PCDH15: variants seen among roughly 807,000 people sequenced by gnomAD.
PCDH15 encodes protocadherin related 15, also known as protocadherin-15.
Under a neutral mutation model 178.5 loss-of-function variants are expected in PCDH15, and 129 were observed. The observed-to-expected ratio is 0.72, with a 90% CI of 0.63 to 0.84. The LOEUF (loss-of-function observed/expected upper bound fraction) is 0.84, where lower values mean the gene tolerates loss of function less well. Ranked by LOEUF, PCDH15 falls within the 40% of genes least tolerant of loss-of-function variation. The pLI, the probability that PCDH15 is intolerant of heterozygous loss-of-function variation, is 0.00. For synonymous variants in PCDH15, 800 were observed against 732.0 expected (o/e 1.09, Z -1.50); for missense variants, 2,230 against 2,099.9 (o/e 1.06, Z -1.21).
intron 4 of PCDH15, among the ~76,000 whole-genome samples, chr10:54,376,992 G>T (rs1045777813): frequency 5.3e-5 from 8 of 151,832 alleles, no homozygotes; most frequent in Non-Finnish European, 1.0e-4. Flanking sequence ...ATTTATTCAT[G>T]CAATAACCAA....
chr10:54,693,223 G>C (rs201748611), intron 1 of PCDH15, among the ~76,000 whole-genome samples: 1 of 151,490 alleles, frequency 6.6e-6, no homozygotes, highest in African/African-American at 2.4e-5. Context: ...TTTTTACACC[G>C]AGAAGAATTA....
chr10:55,062,886 T>A (rs769091479), intron 2 of PCDH15, among the ~76,000 whole-genome samples: 1 of 152,154 alleles, frequency 6.6e-6, no homozygotes, highest in Non-Finnish European at 1.5e-5. Context: ...TTGATGTGAA[T>A]CTAAAACTGC....
chr10:54,395,438 A>ACACT (rs1196230524), intron 3 of PCDH15, among the ~76,000 whole-genome samples: 1 of 151,860 alleles, frequency 6.6e-6, no homozygotes, highest in Admixed American at 6.6e-5. Flanking sequence ...TTACACACAC[A>ACACT]CACACACACA....
intron 20 of PCDH15, among the ~76,000 whole-genome samples, chr10:54,004,415 ACACACACACAC>A (rs1463553712): frequency 5.4e-5 from 4 of 74,232 alleles, no homozygotes; most frequent in African/African-American, 2.1e-4. Flanking sequence ...ACACACACAC[ACACACACACAC>A]CACACAAAGT....
intron 20 of PCDH15, among the ~76,000 whole-genome samples, chr10:54,008,242 G>A (rs1346436141): frequency 6.6e-6 from 1 of 152,158 alleles, no homozygotes; most frequent in Non-Finnish European, 1.5e-5. Flanking sequence ...CAATGACTTT[G>A]CATGAGTCAG....
At chr10:54,647,198 A>G (rs1035884941) in intron 2 of PCDH15, among the ~76,000 whole-genome samples, 1 of 152,118 alleles carries the variant, frequency 6.6e-6, no homozygotes. Flanking sequence ...GACAACATGG[A>G]TAAACTTTGA....
At chr10:54,086,451 C>A (rs575862791) in intron 16 of PCDH15, among the ~76,000 whole-genome samples, 1 of 152,224 alleles carries the variant, frequency 6.6e-6, no homozygotes, top group African/African-American at 2.4e-5. Context: ...GTCAAATATC[C>A]AAACTATAGC....
intron 2 of PCDH15, among the ~76,000 whole-genome samples, chr10:55,055,153 C>T (rs1485505149): frequency 6.6e-6 from 1 of 152,104 alleles, no homozygotes; most frequent in Non-Finnish European, 1.5e-5. Context: ...TTGGGTTTTA[C>T]GTTTCAGTCT....
intron 30 of PCDH15, 80 bp from the exon 31 acceptor site, chr10:53,828,653 A>G (rs1314611998): frequency 1.7e-6 from 2 of 1,146,658 alleles, no homozygotes; most frequent in South Asian, 1.3e-5. Flanking sequence ...CATCTGATTT[A>G]TTCTAAATCA....
chr10:55,018,142 C>T (rs1337531759), intron 2 of PCDH15, among the ~76,000 whole-genome samples: 1 of 151,946 alleles, frequency 6.6e-6, no homozygotes, highest in Non-Finnish European at 1.5e-5. Flanking sequence ...ACCCATTAAC[C>T]TATTGATGTT....
At chr10:54,303,731 T>A (rs994832163) in intron 8 of PCDH15, among the ~76,000 whole-genome samples, 4 of 152,284 alleles carry the variant, frequency 2.6e-5, no homozygotes, top group African/African-American at 9.6e-5. Context: ...GTACTTTATT[T>A]CTGACACTTC....
intron 3 of PCDH15, among the ~76,000 whole-genome samples, chr10:54,394,804 C>T (rs1363404568): frequency 2.6e-5 from 4 of 152,066 alleles, no homozygotes; most frequent in Admixed American, 6.6e-5. Context: ...CACCTGGGGG[C>T]GCTGTTTATA....
intron 2 of PCDH15, among the ~76,000 whole-genome samples, chr10:54,618,410 A>T (rs970915157): frequency 6.6e-6 from 1 of 152,218 alleles, no homozygotes; most frequent in South Asian, 2.1e-4. Flanking sequence ...AACCGGGGAA[A>T]TATTTCAGGT....
chr10:55,344,958 C>T (rs114387114), intron 2 of PCDH15, among the ~76,000 whole-genome samples: 3 of 151,906 alleles, frequency 2.0e-5, no homozygotes, highest in East Asian at 1.9e-4. Flanking sequence ...AGTATTTTAT[C>T]GACCCTCTTT....
intron 4 of PCDH15, among the ~76,000 whole-genome samples, chr10:54,370,455 A>G (rs1281616038): frequency 2.6e-5 from 4 of 151,834 alleles, no homozygotes; most frequent in East Asian, 1.9e-4. Context: ...GCTCAATACA[A>G]CCTGTGTGTT....
chr10:54,312,838 C>T (rs2060993913), intron 8 of PCDH15, among the ~76,000 whole-genome samples: 1 of 152,038 alleles, frequency 6.6e-6, no homozygotes, highest in African/African-American at 2.4e-5. Flanking sequence ...GTAGTTTGAG[C>T]CCACTAAGTT....
intron 2 of PCDH15, among the ~76,000 whole-genome samples, chr10:55,537,817 C>G (rs1005031610): frequency 6.6e-6 from 1 of 152,116 alleles, no homozygotes; most frequent in Non-Finnish European, 1.5e-5. Context: ...TTAAAACAAC[C>G]TTTCAGAGAT....
intron 2 of PCDH15, among the ~76,000 whole-genome samples, chr10:55,446,737 T>C (rs1008108386): frequency 3.3e-5 from 5 of 152,114 alleles, no homozygotes; most frequent in African/African-American, 1.2e-4. Flanking sequence ...AGTTGCCCTA[T>C]TGTACATCTG....
At position 53,807,879 on chromosome 10, in the gene PCDH15, C is replaced by CCAAT. The variant is rs1841304468; in HGVS notation, c.4672-753_4672-750dup. 2.6e-5 allele frequency among the ~76,000 whole-genome samples: 4 copies of CCAAT among 152,170 alleles called. No homozygotes were observed. In the Middle Eastern group the frequency reaches 0.01, roughly 391 times the overall value. ...TTTTCACAAATTCATTTGACTTTTA[C>CCAAT]CAATCAACATTAAAAATAGCAAGAA... On this transcript the variant is annotated intron_variant, in intron 37 of 37. Coordinates refer to ENST00000644397, the MANE Select transcript of PCDH15 (RefSeq NM_001384140.1).
Sources: allele counts gnomAD v4.1 joint callset (sites outside exome capture counted in the v4.1 genomes callset), GRCh38; gene constraint gnomAD v4.1.1; transcripts MANE v1.5; gene names NCBI Gene and HGNC (gene_info 2026-07-23, HGNC 2026-07-21).